The following ROBO2 variants were observed in gnomAD, a reference collection of about 807,000 sequenced individuals.
The protein encoded by ROBO2 is roundabout guidance receptor 2.
In ROBO2, 53 loss-of-function variants were observed where a neutral mutation model predicts 160.8. That is an observed-to-expected ratio of 0.33 (90% CI 0.26 to 0.41). The LOEUF is 0.41. Ranked by LOEUF, ROBO2 falls within the 10% of genes least tolerant of loss-of-function variation. The pLI, the probability that ROBO2 is intolerant of heterozygous loss-of-function variation, is 1.00. For missense variants in ROBO2, 1,577 were observed against 1,722.4 expected (o/e 0.92, Z 1.49); for synonymous variants, 664 against 611.7 (o/e 1.09, Z -1.26).
chr3:77,026,124 G>A (rs2062948486), intron 2 of ROBO2, among the ~76,000 whole-genome samples: 1 of 152,108 alleles, frequency 6.6e-6, no homozygotes, highest in African/African-American at 2.4e-5. Flanking sequence ...AGATCCTACT[G>A]TAATTTCCTT....
At chr3:77,332,881 T>C (rs780297569) in intron 2 of ROBO2, among the ~76,000 whole-genome samples, 16 of 152,160 alleles carry the variant, frequency 1.1e-4, no homozygotes, top group Non-Finnish European at 1.8e-4. Flanking sequence ...CAATACCAGG[T>C]TAAAAACAGA....
intron 2 of ROBO2, among the ~76,000 whole-genome samples, chr3:76,326,632 A>G (rs895916307): frequency 6.6e-5 from 10 of 151,832 alleles, no homozygotes; most frequent in Non-Finnish European, 1.3e-4. Context: ...TATTTTTATT[A>G]CTATACTTTA....
chr3:76,359,447 G>A (rs2108369884), intron 2 of ROBO2, among the ~76,000 whole-genome samples: 1 of 152,132 alleles, frequency 6.6e-6, no homozygotes, highest in South Asian at 2.1e-4. Flanking sequence ...GCAAATACAA[G>A]TAAATGCTAA....
chr3:76,152,652 C>T (rs1485609277), intron 2 of ROBO2, among the ~76,000 whole-genome samples: 1 of 152,004 alleles, frequency 6.6e-6, no homozygotes, highest in East Asian at 1.9e-4. Context: ...TTTAAGCCCC[C>T]AGTGAATTCT....
At chr3:76,254,018 A>G (rs1706202672) in intron 2 of ROBO2, among the ~76,000 whole-genome samples, 1 of 152,126 alleles carries the variant, frequency 6.6e-6, no homozygotes, top group Non-Finnish European at 1.5e-5. Flanking sequence ...TACATAAATC[A>G]TTAATAGCAA....
intron 2 of ROBO2, among the ~76,000 whole-genome samples, chr3:76,089,464 A>G (rs1276230124): frequency 2.0e-5 from 3 of 152,150 alleles, no homozygotes; most frequent in Non-Finnish European, 4.4e-5. Context: ...TTGAACATGT[A>G]TAAAAAGAAT....
intron 2 of ROBO2, among the ~76,000 whole-genome samples, chr3:76,151,074 CT>C (rs147842218): frequency 0.018 from 2,671 of 152,220 alleles, 37 homozygotes; most frequent in Non-Finnish European, 0.026. Flanking sequence ...TTTCTTCCCC[CT>C]TTCCTCTGTG....
chr3:76,149,321 C>G lies in ROBO2; in HGVS notation c.109+211719C>G, dbSNP rs1181136584. ...CTACTTAAGCCCCAAACTTAGAACA[C>G]AACACAAGACCGGTTAGCTTTGCAA... On this transcript the variant is annotated intron_variant, in intron 2 of 26. Coordinates refer to the ROBO2 transcript ENST00000487694. 2.0e-5 allele frequency among the ~76,000 whole-genome samples: 3 copies of G among 152,108 alleles called. No individual in the cohort carries two copies. In the East Asian group the frequency reaches 5.8e-4, roughly 29 times the overall value.
At chr3:76,807,249 A>T (rs1455845427) in intron 2 of ROBO2, among the ~76,000 whole-genome samples, 1 of 152,070 alleles carries the variant, frequency 6.6e-6, no homozygotes, top group African/African-American at 2.4e-5. Flanking sequence ...GGAATAGTTC[A>T]TAACAACCTG....
At chr3:77,635,357 T>G (rs1158198998) in intron 24 of ROBO2, among the ~76,000 whole-genome samples, 5 of 152,210 alleles carry the variant, frequency 3.3e-5, no homozygotes, top group East Asian at 1.9e-4. Context: ...ATAAGCTGCA[T>G]GTGCACTTAT....
chr3:76,396,770 C>T (rs1159998036), intron 2 of ROBO2, among the ~76,000 whole-genome samples: 26 of 152,078 alleles, frequency 1.7e-4, no homozygotes, highest in Non-Finnish European at 2.8e-4. Flanking sequence ...TTACGAGGGA[C>T]GTGAAGGACC....
chr3:76,081,144 T>A (rs1387250), intron 2 of ROBO2, among the ~76,000 whole-genome samples: 56,670 of 151,584 alleles, frequency 0.37, 11,231 homozygotes, highest in South Asian at 0.58. Context: ...AGTTTTTTTT[T>A]ACAAAATTTT....
chr3:76,840,777 A>G (rs2068182204), intron 2 of ROBO2, among the ~76,000 whole-genome samples: 1 of 151,666 alleles, frequency 6.6e-6, no homozygotes, highest in South Asian at 2.1e-4. Context: ...AAATATTGTC[A>G]TTTTAGCCAA....
chr3:77,262,629 G>A (rs935206985), intron 2 of ROBO2, among the ~76,000 whole-genome samples: 2 of 151,822 alleles, frequency 1.3e-5, no homozygotes, highest in African/African-American at 4.8e-5. Context: ...GCGCATGAGT[G>A]CACACACACA....
chr3:76,465,098 G>T (rs962604838), intron 2 of ROBO2, among the ~76,000 whole-genome samples: 4 of 152,088 alleles, frequency 2.6e-5, no homozygotes, highest in African/African-American at 4.8e-5. Context: ...AATAACTCAA[G>T]AAATATTTAC....
intron 2 of ROBO2, chr3:76,435,173 A>C: frequency 2.8e-6 from 3 of 1,054,410 alleles, no homozygotes; most frequent in Admixed American, 3.4e-5. Flanking sequence ...TTGTGGAGAT[A>C]ATCAACAGTA....
intron 2 of ROBO2, among the ~76,000 whole-genome samples, chr3:77,179,009 G>C (rs2080429912): frequency 6.6e-6 from 1 of 151,864 alleles, no homozygotes; most frequent in South Asian, 2.1e-4. Context: ...GTGAATCTTA[G>C]GTAGGTAGGT....
chr3:76,132,186 A>T (rs2071247747), intron 2 of ROBO2, among the ~76,000 whole-genome samples: 1 of 152,158 alleles, frequency 6.6e-6, no homozygotes, highest in South Asian at 2.1e-4. Context: ...AAACCCCAAG[A>T]CAAGTTTTCA....
At chr3:76,072,900 T>C (rs1452979853) in intron 2 of ROBO2, among the ~76,000 whole-genome samples, 1 of 152,214 alleles carries the variant, frequency 6.6e-6, no homozygotes, top group Non-Finnish European at 1.5e-5. Context: ...GACCTCTGTT[T>C]CCTCATTTGT....
Sources: gnomAD v4.1 joint callset for allele counts (sites outside exome capture counted in the v4.1 genomes callset) on GRCh38, gnomAD v4.1.1 for gene constraint, MANE v1.5 for transcripts, NCBI Gene and HGNC (gene_info 2026-07-23, HGNC 2026-07-21) for gene names.